The following ARID4B variants were observed in gnomAD, a reference collection of about 807,000 sequenced individuals.
The protein encoded by ARID4B is AT-rich interactive domain-containing protein 4B.
ARID4B carries 26 observed loss-of-function variants against 147.5 expected under a neutral mutation model. The observed-to-expected ratio is 0.18, with a 90% CI of 0.13 to 0.24. ARID4B has a LOEUF of 0.24. ARID4B is among the 10% of genes least tolerant of loss of function. ARID4B has a pLI of 1.00. For missense variants in ARID4B, 1,179 were observed against 1,511.5 expected (o/e 0.78, Z 3.65); for synonymous variants, 512 against 507.9 (o/e 1.01, Z -0.11).
chr1:235,288,740 G>C (rs1672142247), intron 2 of ARID4B, among the ~76,000 whole-genome samples: 1 of 152,144 alleles, frequency 6.6e-6, no homozygotes, highest in South Asian at 2.1e-4. Context: ...TATCAAAAGG[G>C]AGCACAAAGA....
At chr1:235,296,049 A>G (rs1422419658) in intron 2 of ARID4B, 2 of 160,154 alleles carry the variant, frequency 1.2e-5, no homozygotes, top group Admixed American at 6.3e-5. Context: ...AGGCAGCCCA[A>G]ATATCCTTGG....
At chr1:235,294,696 T>C (rs566369299) in intron 2 of ARID4B, among the ~76,000 whole-genome samples, 50 of 151,402 alleles carry the variant, frequency 3.3e-4, no homozygotes, top group African/African-American at 9.9e-4. Flanking sequence ...GTATTTTTAG[T>C]AGAGACGGGG....
intron 19 of ARID4B, among the ~76,000 whole-genome samples, chr1:235,185,303 T>C (rs980648376): frequency 1.3e-5 from 2 of 152,238 alleles, no homozygotes; most frequent in African/African-American, 2.4e-5. Context: ...CTTCCTTTCT[T>C]ATACAGCATT....
intron 19 of ARID4B, among the ~76,000 whole-genome samples, chr1:235,188,601 G>C (rs1664854832): frequency 6.6e-6 from 1 of 152,104 alleles, no homozygotes; most frequent in Non-Finnish European, 1.5e-5. Context: ...GCTGAAATTA[G>C]GGGGATTCAT....
At chr1:235,259,658 C>T (rs996614518) in intron 3 of ARID4B, among the ~76,000 whole-genome samples, 32 of 152,218 alleles carry the variant, frequency 2.1e-4, no homozygotes, top group African/African-American at 7.2e-4. Flanking sequence ...GGGGCCAAGA[C>T]TAGCCCCCTA....
intron 1 of ARID4B, 191 bp from the exon 2 acceptor site, chr1:235,327,159 C>T (rs1449243591): frequency 3.8e-6 from 2 of 532,736 alleles, no homozygotes; most frequent in Non-Finnish European, 6.8e-6. Flanking sequence ...CAACCACCTA[C>T]ACAGCTCGGC....
At chr1:235,204,245 C>G (rs943826840) in intron 17 of ARID4B, among the ~76,000 whole-genome samples, 3 of 152,118 alleles carry the variant, frequency 2.0e-5, no homozygotes, top group African/African-American at 7.2e-5. Context: ...TTGCTTGAAC[C>G]CAGAAGGCGG....
rs534052966 is a variant in ARID4B at position 235,325,266 on chromosome 1, T to G, written c.6+1648A>C. ...ATGCTGAGCACTTAAAATTAGTATT[T>G]CTAAAAAGATACCAAAAAATTTGCA... is the stretch of plus-strand genomic sequence containing the variant. On this transcript the variant is annotated intron_variant, in intron 2 of 23. Coordinates refer to ENST00000264183, the MANE Select transcript of ARID4B (RefSeq NM_016374.6). Among the ~76,000 whole-genome samples, 14 of 152,126 alleles carry G rather than the reference T, an allele frequency of 9.2e-5. No individual in the cohort carries two copies. The South Asian group carries it at 1.9e-3, about 20-fold the overall frequency.
intron 7 of ARID4B, among the ~76,000 whole-genome samples, chr1:235,241,398 C>T (rs1668968525): frequency 6.6e-6 from 1 of 152,030 alleles, no homozygotes; most frequent in Non-Finnish European, 1.5e-5. Flanking sequence ...ACATGATTTA[C>T]CTATTTAGTA....
At chr1:235,218,800 C>T (rs1667254512) in intron 16 of ARID4B, among the ~76,000 whole-genome samples, 1 of 151,612 alleles carries the variant, frequency 6.6e-6, no homozygotes, top group South Asian at 2.1e-4. Flanking sequence ...ATATAAGCCC[C>T]ATTTTTTATT....
At chr1:235,219,404 T>C (rs1169268550) in intron 16 of ARID4B, among the ~76,000 whole-genome samples, 2 of 152,206 alleles carry the variant, frequency 1.3e-5, no homozygotes, top group Admixed American at 6.5e-5. Flanking sequence ...TTTAAAACTT[T>C]AGTATTTTTC....
intron 2 of ARID4B, among the ~76,000 whole-genome samples, chr1:235,314,774 A>G (rs1278133740): frequency 2.6e-4 from 39 of 152,102 alleles, no homozygotes; most frequent in Admixed American, 2.2e-3. Flanking sequence ...TATCAGTAAA[A>G]TATGTTTATA....
intron 2 of ARID4B, chr1:235,296,298 T>C (rs866500433): frequency 2.0e-5 from 3 of 152,808 alleles, no homozygotes; most frequent in Non-Finnish European, 4.4e-5. Flanking sequence ...TACCGGTTCC[T>C]GACTATGATG....
chr1:235,233,233 A>G (rs1668353252), intron 9 of ARID4B, among the ~76,000 whole-genome samples: 1 of 152,140 alleles, frequency 6.6e-6, no homozygotes, highest in Non-Finnish European at 1.5e-5. Context: ...GGATCGCTTG[A>G]GCTGAGGAGT....
intron 2 of ARID4B, among the ~76,000 whole-genome samples, chr1:235,284,158 C>A (rs930450818): frequency 3.9e-5 from 6 of 152,040 alleles, no homozygotes; most frequent in African/African-American, 1.2e-4. Flanking sequence ...GGTCGGAGTT[C>A]GACACCAGCC....
chr1:235,308,686 G>A (rs1272480362), intron 2 of ARID4B, among the ~76,000 whole-genome samples: 4 of 152,232 alleles, frequency 2.6e-5, no homozygotes, highest in Admixed American at 6.5e-5. Flanking sequence ...TGTGTTGGCC[G>A]GGCTGGTCTC....
chr1:235,224,045 G>A (rs2103032700), intron 12 of ARID4B, among the ~76,000 whole-genome samples: 1 of 152,240 alleles, frequency 6.6e-6, no homozygotes, highest in Non-Finnish European at 1.5e-5. Flanking sequence ...AACTAAACAT[G>A]ACAAACAGAG....
At chr1:235,245,032 C>T (rs771062542) in intron 7 of ARID4B, among the ~76,000 whole-genome samples, 1 of 152,120 alleles carries the variant, frequency 6.6e-6, no homozygotes, top group African/African-American at 2.4e-5. Flanking sequence ...TAGAGAAGGG[C>T]AAGGAAGAGC....
intron 16 of ARID4B, among the ~76,000 whole-genome samples, chr1:235,219,529 T>C (rs1335615383): frequency 6.6e-6 from 1 of 152,170 alleles, no homozygotes; most frequent in African/African-American, 2.4e-5. Context: ...TCAGCAGACC[T>C]AAAAAGTACT....
Sources: allele counts gnomAD v4.1 joint callset (sites outside exome capture counted in the v4.1 genomes callset), GRCh38; gene constraint gnomAD v4.1.1; transcripts MANE v1.5; gene names NCBI Gene and HGNC (gene_info 2026-07-23, HGNC 2026-07-21).